The following PDE4D variants were observed in gnomAD, a reference collection of about 807,000 sequenced individuals.
PDE4D encodes phosphodiesterase 4D.
In PDE4D, 24 loss-of-function variants were observed where a neutral mutation model predicts 87.4. The observed-to-expected ratio is 0.27, with a 90% CI of 0.20 to 0.39. PDE4D has a LOEUF of 0.39. Among genes scored for constraint, PDE4D ranks in the 10% least tolerant of loss-of-function variants. The pLI, the probability that PDE4D is intolerant of heterozygous loss-of-function variation, is 1.00. For synonymous variants in PDE4D, 384 were observed against 383.2 expected, an observed-to-expected ratio of 1.00 and a Z score of -0.02; for missense variants, 714 against 1,041.0, an observed-to-expected ratio of 0.69 and a Z score of 4.32.
chr5:59,414,142 C>A (rs778643924), intron 1 of PDE4D, among the ~76,000 whole-genome samples: 4 of 152,198 alleles, frequency 2.6e-5, no homozygotes, highest in Admixed American at 1.3e-4. Flanking sequence ...TTCACGTGCT[C>A]CATCTGAACC....
At chr5:60,242,742 T>G (rs1435119498) in intron 1 of PDE4D, among the ~76,000 whole-genome samples, 1 of 152,012 alleles carries the variant, frequency 6.6e-6, no homozygotes, top group Non-Finnish European at 1.5e-5. Flanking sequence ...CAACGGGTCA[T>G]GAAGAAATTA....
intron 1 of PDE4D, among the ~76,000 whole-genome samples, chr5:59,495,965 C>T (rs1322877217): frequency 6.6e-6 from 1 of 152,136 alleles, no homozygotes; most frequent in Non-Finnish European, 1.5e-5. Context: ...CTCAATTAGA[C>T]CCTCCACCTT....
intron 6 of PDE4D, among the ~76,000 whole-genome samples, chr5:59,004,003 C>G (rs1016945829): frequency 1.3e-5 from 2 of 151,850 alleles, no homozygotes; most frequent in Non-Finnish European, 2.9e-5. Context: ...CAATTTTATT[C>G]TTTGACAAAC....
chr5:60,488,716 A>G (rs926063223), upstream of PDE4D, among the ~76,000 whole-genome samples: 3 of 152,122 alleles, frequency 2.0e-5, no homozygotes, highest in Non-Finnish European at 4.4e-5. Flanking sequence ...AGAAGAGTCA[A>G]CGGGGCTGAG....
At chr5:60,465,667 T>C (rs1413347032) in intron 1 of PDE4D, among the ~76,000 whole-genome samples, 5 of 152,202 alleles carry the variant, frequency 3.3e-5, no homozygotes, top group Non-Finnish European at 7.3e-5. Flanking sequence ...TACAGTGGGA[T>C]TATGTCCTAA....
At chr5:59,169,632 G>T (rs1275470036) in intron 5 of PDE4D, among the ~76,000 whole-genome samples, 1 of 152,092 alleles carries the variant, frequency 6.6e-6, no homozygotes, top group Non-Finnish European at 1.5e-5. Context: ...CTTATCCTGG[G>T]CTGCACTGTT....
At chr5:59,075,710 A>G (rs923842400) in intron 5 of PDE4D, among the ~76,000 whole-genome samples, 3 of 152,182 alleles carry the variant, frequency 2.0e-5, no homozygotes, top group African/African-American at 7.2e-5. Flanking sequence ...TATAAAGCAT[A>G]CAAGAAATTC....
At chr5:59,988,815 A>C in intron 2 of PDE4D, 2 of 616,120 alleles carry the variant, frequency 3.2e-6, no homozygotes, top group East Asian at 5.3e-5. Flanking sequence ...GAAATTAAGT[A>C]AAATGTATAC....
intron 1 of PDE4D, among the ~76,000 whole-genome samples, chr5:60,358,648 C>A (rs1227404828): frequency 6.6e-6 from 1 of 152,136 alleles, no homozygotes; most frequent in Non-Finnish European, 1.5e-5. Flanking sequence ...CCTGAGTCTT[C>A]CAGACCAGCG....
At chr5:59,567,189 T>C (rs1821084747) in intron 1 of PDE4D, among the ~76,000 whole-genome samples, 1 of 152,196 alleles carries the variant, frequency 6.6e-6, no homozygotes, top group Non-Finnish European at 1.5e-5. Flanking sequence ...TCTAGCCACG[T>C]CAAAAAAAGT....
At chr5:59,885,832 A>T (rs945809513) in intron 1 of PDE4D, among the ~76,000 whole-genome samples, 2 of 152,132 alleles carry the variant, frequency 1.3e-5, no homozygotes, top group Non-Finnish European at 2.9e-5. Flanking sequence ...GCTTCTCCTC[A>T]TACCAACCTA....
intron 1 of PDE4D, among the ~76,000 whole-genome samples, chr5:59,851,069 T>A (rs943793610): frequency 3.3e-5 from 5 of 152,020 alleles, no homozygotes; most frequent in African/African-American, 1.2e-4. Context: ...TTTCCTCTCA[T>A]CCTCTTTGAT....
chr5:59,286,977 T>C (rs1444370555), intron 1 of PDE4D, among the ~76,000 whole-genome samples: 3 of 152,164 alleles, frequency 2.0e-5, no homozygotes, highest in African/African-American at 7.2e-5. Flanking sequence ...TATGGCTAAA[T>C]AGCAGCCTCC....
intron 1 of PDE4D, among the ~76,000 whole-genome samples, chr5:60,398,341 T>C (rs1237725406): frequency 6.6e-6 from 1 of 152,138 alleles, no homozygotes. Context: ...GGCTGTCACT[T>C]TTACGGATCT....
chr5:59,683,972 C>T (rs143626233), intron 1 of PDE4D, among the ~76,000 whole-genome samples: 28 of 152,296 alleles, frequency 1.8e-4, no homozygotes, highest in African/African-American at 6.7e-4. Context: ...TATAATCTGG[C>T]TTTAGGCCAA....
intron 1 of PDE4D, among the ~76,000 whole-genome samples, chr5:60,275,680 T>A (rs1295094915): frequency 6.6e-6 from 1 of 152,100 alleles, no homozygotes; most frequent in African/African-American, 2.4e-5. Flanking sequence ...GTGCTTTGGG[T>A]TTAATTTTAC....
chr5:59,364,757 C>A (rs912620570), intron 1 of PDE4D, among the ~76,000 whole-genome samples: 1 of 152,176 alleles, frequency 6.6e-6, no homozygotes, highest in African/African-American at 2.4e-5. Flanking sequence ...AAGCTACTTT[C>A]TATATGGAAT....
At chr5:60,499,525 G>A (rs1472067726) in intron 1 of PDE4D, among the ~76,000 whole-genome samples, 1 of 152,090 alleles carries the variant, frequency 6.6e-6, no homozygotes, top group Non-Finnish European at 1.5e-5. Flanking sequence ...TGGGTTGGGG[G>A]CGGTTAAAAA....
At chr5:60,456,676 T>C (rs1477582283) in intron 1 of PDE4D, among the ~76,000 whole-genome samples, 1 of 152,046 alleles carries the variant, frequency 6.6e-6, no homozygotes, top group Non-Finnish European at 1.5e-5. Flanking sequence ...AAACAGAGAG[T>C]AAAGTTTTTG....
Sources: allele counts gnomAD v4.1 joint callset (sites outside exome capture counted in the v4.1 genomes callset), GRCh38; gene constraint gnomAD v4.1.1; transcripts MANE v1.5; gene names NCBI Gene and HGNC (gene_info 2026-07-23, HGNC 2026-07-21).